ELFN1: variants seen among roughly 807,000 people sequenced by gnomAD.
The protein encoded by ELFN1 is extracellular leucine rich repeat and fibronectin type III domain containing 1, also known as protein ELFN1.
ELFN1 carries 6 observed loss-of-function variants against 7.6 expected under a neutral mutation model. The observed-to-expected ratio is 0.79, with a 90% confidence interval of 0.43 to 1.56. The LOEUF is 1.56. Among genes scored for constraint, ELFN1 ranks in the 40% most tolerant of loss-of-function variants. The pLI is 0.01. For synonymous variants in ELFN1, 657 were observed against 588.1 expected (o/e 1.12, Z -1.70); for missense variants, 1,169 against 1,232.2 (o/e 0.95, Z 0.77).
upstream of ELFN1, among the ~76,000 whole-genome samples, chr7:1,667,057 C>T (rs1229629626): frequency 2.6e-5 from 4 of 152,044 alleles, no homozygotes; most frequent in African/African-American, 9.7e-5. This position sits in a 1 kb window ranked among gnomAD's most constrained non-coding sequence, Gnocchi z 8.2. Context: ...CTCCTGGTCC[C>T]TCTTCCGCCG....
chr7:1,699,415 A>G (rs929860295), intron 2 of ELFN1, among the ~76,000 whole-genome samples: 3 of 152,162 alleles, frequency 2.0e-5, no homozygotes, highest in Non-Finnish European at 2.9e-5. Flanking sequence ...AGGTGGGCAG[A>G]TCACTTGAGC....
At chr7:1,726,226 C>T (rs1780192912) in intron 3 of ELFN1, among the ~76,000 whole-genome samples, 1 of 152,172 alleles carries the variant, frequency 6.6e-6, no homozygotes, top group African/African-American at 2.4e-5. Context: ...TCTGTCCCGG[C>T]CACTATGCTG....
At chr7:1,691,096 C>T (rs1476596969) in intron 2 of ELFN1, among the ~76,000 whole-genome samples, 1 of 152,138 alleles carries the variant, frequency 6.6e-6, no homozygotes, top group Admixed American at 6.5e-5. Context: ...ATGAGGCCCC[C>T]AGAAGTGGCT....
At chr7:1,733,995 CAG>C (rs1268730893) in intron 3 of ELFN1, among the ~76,000 whole-genome samples, 3 of 152,136 alleles carry the variant, frequency 2.0e-5, no homozygotes, top group Non-Finnish European at 4.4e-5. Context: ...AAGGCTTTCC[CAG>C]AGCTCAGGGG....
At position 1,746,629 on chromosome 7, in the gene ELFN1, A is replaced by G; in HGVS notation, c.2033A>G (p.Asp678Gly). Residue 678 changes from aspartate to glycine, a missense_variant, in exon 4 of 4, where the codon GAC (aspartate) becomes GGC (glycine). Asp to Gly is a moderately conservative substitution (Grantham distance 94). Coordinates refer to ENST00000424383, the MANE Select transcript of ELFN1 (RefSeq NM_001128636.4). Reference sequence around the variant, plus strand: ...ATCGAGAAGGGCTCCCCCGCGGCCGACGCCATCCTCACTGTGACACCCGCG... The same window carrying G: ...ATCGAGAAGGGCTCCCCCGCGGCCGGCGCCATCCTCACTGTGACACCCGCG... ...KYIEKGSPAA[D>G]AILTVTPAAA... 1 of 1,352,952 alleles carries G rather than the reference A, an allele frequency of 7.4e-7. No homozygotes were observed. The highest frequency in any genetic ancestry group is 9.5e-7 in the Non-Finnish European group (1 of 1,057,914). 83.8% of individuals were successfully genotyped at this position (1,352,952 alleles called of 1,614,324 possible). A position where few individuals can be genotyped will look rare whatever the true frequency, so the allele number is the denominator to read the frequency against.
chr7:1,667,652 C>G (rs531826139), upstream of ELFN1, among the ~76,000 whole-genome samples: 1 of 152,306 alleles, frequency 6.6e-6, no homozygotes, highest in South Asian at 2.1e-4. This position sits in a 1 kb window ranked among gnomAD's most constrained non-coding sequence, Gnocchi z 8.2. Context: ...GCCCAGCCCT[C>G]AGGCAGCGTG....
upstream of ELFN1, among the ~76,000 whole-genome samples, chr7:1,670,118 C>A (rs1023443943): frequency 9.4e-5 from 13 of 138,558 alleles, no homozygotes; most frequent in African/African-American, 3.2e-4. The surrounding 1 kb of genome is among the most constrained non-coding windows in gnomAD (Gnocchi z 6.4). Context: ...TGGAAGGGAG[C>A]GCGCAGGCGG....
intron 2 of ELFN1, chr7:1,693,999 G>A (rs905733094): frequency 1.9e-4 from 68 of 365,816 alleles, no homozygotes; most frequent in Non-Finnish European, 2.9e-4. Context: ...TGTCTGGCCT[G>A]TCCGTGCACC....
chr7:1,705,708 C>T lies in ELFN1; in HGVS notation c.-455-3383C>T, dbSNP rs1390252450. Among the ~76,000 whole-genome samples, 1 of 152,236 alleles carries T rather than the reference C, an allele frequency of 6.6e-6. No homozygotes were observed. Among genetic ancestry groups the T allele is most frequent in the Non-Finnish European group, 1.5e-5 (1 of 68,050 alleles). On this transcript the variant is annotated intron_variant, in intron 2 of 3. Transcript: ENST00000424383. The surrounding 1 kb of genome is among the most constrained non-coding windows in gnomAD (Gnocchi z 4.3). ...TGGCTCATGGCAATTCAGTGGATGG[C>T]TTTGGGCCTCGGTTTCCTGTCCACA...
Position 1,746,264 on chromosome 7 carries a change from C to A in ELFN1, c.1668C>A (p.Ser556=). ...PDSQSSVAEI[S]TIAKEVDKVN... ...GCCAGAGTTCGGTGGCCGAGATCTCCACCATCGCCAAGGAGGTGGACAAGG... is the reference window on the plus strand; with the variant it reads ...GCCAGAGTTCGGTGGCCGAGATCTCAACCATCGCCAAGGAGGTGGACAAGG... The change falls in exon 4 of 4, where the codon TCC becomes TCA. Residue 556 remains serine (S), a synonymous_variant. Transcript: ENST00000424383. 6.3e-7 allele frequency: 1 copy of A among 1,595,292 alleles called. No individual in the cohort carries two copies. Among genetic ancestry groups the A allele is most frequent in the East Asian group, 2.3e-5 (1 of 43,856 alleles).
intron 2 of ELFN1, among the ~76,000 whole-genome samples, chr7:1,700,740 G>A (rs1401994486): frequency 6.6e-6 from 1 of 152,190 alleles, no homozygotes; most frequent in Non-Finnish European, 1.5e-5. Context: ...GAGAGTTCCC[G>A]TTGCTCCACA....
rs1779551727 is a variant in ELFN1 at position 1,707,164 on chromosome 7, T to TC, written c.-455-1924dup. Among the ~76,000 whole-genome samples, 3 of 152,220 alleles carry TC rather than the reference T, an allele frequency of 2.0e-5. 1 individual carries two copies. Among genetic ancestry groups the TC allele is most frequent in the African/African-American group, 7.2e-5 (3 of 41,456 alleles). ...GCATGTGAGAACATGCAGAGCCCGCTCCCAAGGGGTCTGGGCCTCTGCTCA... is the reference window on the plus strand; with the variant it reads ...GCATGTGAGAACATGCAGAGCCCGCTCCCCAAGGGGTCTGGGCCTCTGCTCA... On this transcript the variant is annotated intron_variant, in intron 2 of 3. Transcript: ENST00000424383.
At chr7:1,668,496 G>A (rs548749223), upstream of ELFN1, among the ~76,000 whole-genome samples, 1 of 152,236 alleles carries the variant, frequency 6.6e-6, no homozygotes, top group Non-Finnish European at 1.5e-5. Context: ...ATAGGCTGGG[G>A]CCCGGAGCCC....
intron 2 of ELFN1, among the ~76,000 whole-genome samples, chr7:1,706,179 C>T (rs1475998622): frequency 1.3e-5 from 2 of 152,226 alleles, no homozygotes; most frequent in African/African-American, 2.4e-5. Flanking sequence ...TATCCCAGCA[C>T]TTTGAGAGGC....
At chr7:1,679,393 C>T (rs1411481144) in intron 1 of ELFN1, among the ~76,000 whole-genome samples, 2 of 152,148 alleles carry the variant, frequency 1.3e-5, no homozygotes, top group Non-Finnish European at 2.9e-5. Context: ...GGGTGCCTGG[C>T]CTGACCATCT....
In ELFN1 at chr7:1,673,237, G is replaced by A. The variant is rs1426726326; in HGVS notation, c.-549+2883G>A. 1.3e-5 allele frequency among the ~76,000 whole-genome samples: 2 copies of A among 152,188 alleles called. No individual in the cohort carries two copies. Among genetic ancestry groups the A allele is most frequent in the Non-Finnish European group, 2.9e-5 (2 of 68,024 alleles). ...GATGGCGCCATCCATTCCAGCACCA[G>A]CTGTACAGATGGGGAGACTGAGGCC... On this transcript the variant is annotated intron_variant, in intron 1 of 3. Coordinates refer to ENST00000424383, the MANE Select transcript of ELFN1 (RefSeq NM_001128636.4). This position sits in a 1 kb window ranked among gnomAD's most constrained non-coding sequence, Gnocchi z 4.7.
chr7:1,669,649 T>C (rs1186241707), upstream of ELFN1, among the ~76,000 whole-genome samples: 1 of 152,198 alleles, frequency 6.6e-6, no homozygotes, highest in Admixed American at 6.5e-5. Context: ...CAGAACCCCC[T>C]GAAGTCCTCA....
At position 1,744,534 on chromosome 7, in the gene ELFN1, G is replaced by C; in HGVS notation, c.-63G>C. On this transcript the variant is annotated 5_prime_UTR_variant, in exon 4 of 4. Coordinates refer to ENST00000424383, the MANE Select transcript of ELFN1 (RefSeq NM_001128636.4). ...CCCCTCCATCCCTCTGGGGGCTGGCGCCTGGCCCCCCACCTGGTCCCCCTG... is the reference window on the plus strand; with the variant it reads ...CCCCTCCATCCCTCTGGGGGCTGGCCCCTGGCCCCCCACCTGGTCCCCCTG... 1 of 1,427,402 alleles carries C rather than the reference G, an allele frequency of 7.0e-7. No individual in the cohort carries two copies. Among genetic ancestry groups the C allele is most frequent in the Non-Finnish European group, 9.1e-7 (1 of 1,095,260 alleles). The allele number at this position is 1,427,402 out of a possible 1,614,324, so 88.4% of individuals were successfully genotyped here.
chr7:1,683,335 TTTTTTG>T (rs1779008514), intron 1 of ELFN1, among the ~76,000 whole-genome samples: 1 of 152,218 alleles, frequency 6.6e-6, no homozygotes, highest in South Asian at 2.1e-4. Flanking sequence ...TAGTTTAGTT[TTTTTTG>T]TTTTTGTTTT....
Sources: allele counts gnomAD v4.1 joint callset (sites outside exome capture counted in the v4.1 genomes callset), GRCh38; gene constraint gnomAD v4.1.1; non-coding constraint Gnocchi (gnomAD v3.1); transcripts MANE v1.5; gene names NCBI Gene and HGNC (gene_info 2026-07-23, HGNC 2026-07-21).